The following SORCS2 variants were observed in gnomAD, a reference collection of about 807,000 sequenced individuals.
SORCS2 encodes sortilin related VPS10 domain containing receptor 2.
A neutral mutation model predicts 141.6 loss-of-function variants in SORCS2; 100 were observed. The observed-to-expected ratio is 0.71, with a 90% CI of 0.60 to 0.83. SORCS2 has a LOEUF of 0.83. Ranked by LOEUF, SORCS2 falls within the 40% of genes least tolerant of loss-of-function variation. The pLI, the probability that SORCS2 is intolerant of heterozygous loss-of-function variation, is 0.00. For missense variants in SORCS2, 1,646 were observed against 1,560.2 expected, an observed-to-expected ratio of 1.05 and a Z score of -0.93; for synonymous variants, 789 against 676.9, an observed-to-expected ratio of 1.17 and a Z score of -2.57.
At chr4:7,323,013 G>C (rs754871614) in intron 1 of SORCS2, among the ~76,000 whole-genome samples, 1 of 152,026 alleles carries the variant, frequency 6.6e-6, no homozygotes, top group Non-Finnish European at 1.5e-5. Flanking sequence ...CTAGTTCCCA[G>C]TTCTGCCCTC....
chr4:7,421,825 G>A (rs371136046), intron 2 of SORCS2, among the ~76,000 whole-genome samples: 1 of 151,656 alleles, frequency 6.6e-6, no homozygotes, highest in East Asian at 1.9e-4. Flanking sequence ...CCTCCTGCCT[G>A]CCACCTTGCA....
chr4:7,523,669 C>T (rs1733481304), intron 2 of SORCS2, among the ~76,000 whole-genome samples: 3 of 152,172 alleles, frequency 2.0e-5, no homozygotes. Flanking sequence ...ATCACACTGA[C>T]CCTGCTGACC....
intron 2 of SORCS2, among the ~76,000 whole-genome samples, chr4:7,397,581 G>C (rs773264885): frequency 5.3e-5 from 8 of 152,042 alleles, no homozygotes; most frequent in Non-Finnish European, 1.2e-4. Flanking sequence ...TCCCTGCCAC[G>C]GCCCCCCGTT....
intron 1 of SORCS2, among the ~76,000 whole-genome samples, chr4:7,276,518 T>C (rs1715512233): frequency 6.6e-6 from 1 of 152,154 alleles, no homozygotes; most frequent in South Asian, 2.1e-4. Flanking sequence ...AGGAGGCCCC[T>C]GTATCTGAGA....
chr4:7,506,358 G>A (rs924171074), intron 2 of SORCS2, among the ~76,000 whole-genome samples: 3 of 152,130 alleles, frequency 2.0e-5, no homozygotes, highest in African/African-American at 7.2e-5. Context: ...CTCCATTGGG[G>A]GAAAAAATAA....
chr4:7,585,304 C>T (rs1716463697), intron 3 of SORCS2, among the ~76,000 whole-genome samples: 1 of 152,162 alleles, frequency 6.6e-6, no homozygotes, highest in Non-Finnish European at 1.5e-5. Context: ...TGCATTCCTG[C>T]ACCAGTATCT....
Position 7,472,948 on chromosome 4 carries a change from C to T in SORCS2, c.549-58582C>T, listed in dbSNP as rs146443529. ...AAAAAAACAAAATAGCCCTGGAGAC[C>T]GTTACTGTCAATACTACATCTTATT... On this transcript the variant is annotated intron_variant, in intron 2 of 26. Transcript: ENST00000507866. Among the ~76,000 whole-genome samples, 277 of 152,058 alleles carry T rather than the reference C, an allele frequency of 1.8e-3. 1 individual carries two copies. The highest frequency in any genetic ancestry group is 6.1e-3 in the African/African-American group (252 of 41,484).
At chr4:7,629,562 C>T (rs1379060232) in intron 3 of SORCS2, among the ~76,000 whole-genome samples, 1 of 148,694 alleles carries the variant, frequency 6.7e-6, no homozygotes, top group South Asian at 2.1e-4. Context: ...TACCCCCCAA[C>T]CCCCCTCGCT....
At chr4:7,206,092 C>T (rs1425241766) in intron 1 of SORCS2, among the ~76,000 whole-genome samples, 1 of 152,102 alleles carries the variant, frequency 6.6e-6, no homozygotes, top group Admixed American at 6.6e-5. Context: ...ACAAAAACAC[C>T]ATGCGAGGTA....
At chr4:7,708,280 C>G (rs1256570513) in intron 14 of SORCS2, among the ~76,000 whole-genome samples, 1 of 152,218 alleles carries the variant, frequency 6.6e-6, no homozygotes, top group Non-Finnish European at 1.5e-5. Context: ...TCCGCCCACT[C>G]CACAGCAGAC....
At chr4:7,510,432 C>T (rs1732550953) in intron 2 of SORCS2, among the ~76,000 whole-genome samples, 2 of 152,360 alleles carry the variant, frequency 1.3e-5, no homozygotes, top group Admixed American at 1.3e-4. Flanking sequence ...CCTCACACAC[C>T]AGGTTGGCCA....
intron 5 of SORCS2, among the ~76,000 whole-genome samples, chr4:7,657,995 G>C (rs111203710): frequency 0.039 from 5,999 of 152,202 alleles, 121 homozygotes; most frequent in African/African-American, 0.043. Flanking sequence ...GTGATTGAGT[G>C]AATGAGGGGC....
At chr4:7,711,865 G>A (rs536503921) in intron 14 of SORCS2, among the ~76,000 whole-genome samples, 68 of 152,294 alleles carry the variant, frequency 4.5e-4, no homozygotes, top group African/African-American at 1.6e-3. Context: ...CCACCTCCAA[G>A]AAGTCTTCAG....
At chr4:7,403,983 ATATATATATATATATT>A (rs1341069811) in intron 2 of SORCS2, among the ~76,000 whole-genome samples, 1,690 of 20,210 alleles carry the variant, frequency 0.084, 73 homozygotes, top group East Asian at 0.14. Context: ...ATATATATAT[ATATATATATATATATT>A]TTTTTTTTTT....
chr4:7,712,277 G>C (rs377683512), intron 14 of SORCS2, among the ~76,000 whole-genome samples: 1 of 152,192 alleles, frequency 6.6e-6, no homozygotes, highest in African/African-American at 2.4e-5. Context: ...TCTGCAGCAC[G>C]GAACCCTCAC....
intron 5 of SORCS2, among the ~76,000 whole-genome samples, chr4:7,661,172 G>A (rs561459191): frequency 1.3e-5 from 2 of 152,114 alleles, no homozygotes; most frequent in South Asian, 4.1e-4. Flanking sequence ...CTTTTATGAA[G>A]AAGAAAGTCT....
chr4:7,307,477 G>T (rs1031765478), intron 1 of SORCS2, among the ~76,000 whole-genome samples: 1 of 152,352 alleles, frequency 6.6e-6, no homozygotes, highest in Middle Eastern at 3.4e-3. Flanking sequence ...GGAAACAGAG[G>T]CTCAGAGAGG....
intron 9 of SORCS2, among the ~76,000 whole-genome samples, chr4:7,680,405 G>T (rs1396848337): frequency 6.6e-6 from 1 of 152,244 alleles, no homozygotes; most frequent in Admixed American, 6.5e-5. Context: ...GTTTCTGCAG[G>T]GCCTGCTCTT....
chr4:7,357,587 C>A (rs905149869), intron 1 of SORCS2, among the ~76,000 whole-genome samples: 1 of 152,230 alleles, frequency 6.6e-6, no homozygotes, highest in Non-Finnish European at 1.5e-5. Flanking sequence ...TCTGCCCTTT[C>A]AAGGTGATTT....
Sources: gnomAD v4.1 joint callset for allele counts (sites outside exome capture counted in the v4.1 genomes callset) on GRCh38, gnomAD v4.1.1 for gene constraint, MANE v1.5 for transcripts, NCBI Gene and HGNC (gene_info 2026-07-23, HGNC 2026-07-21) for gene names.